TMEM123: variants seen among roughly 807,000 people sequenced by gnomAD.
The protein encoded by TMEM123 is transmembrane protein 123.
In TMEM123, 16 loss-of-function variants were observed where a neutral mutation model predicts 19.7. That is an observed-to-expected ratio of 0.81 (90% CI 0.55 to 1.23). TMEM123 has a LOEUF of 1.23. Among genes scored for constraint, TMEM123 ranks in the 50% most tolerant of loss-of-function variants. The pLI is 0.00. For synonymous variants in TMEM123, 118 were observed against 99.4 expected, an observed-to-expected ratio of 1.19 and a Z score of -1.12; for missense variants, 313 against 257.8, an observed-to-expected ratio of 1.21 and a Z score of -1.47.
chr11:102,399,874 G>A (rs1317970027), intron 4 of TMEM123, among the ~76,000 whole-genome samples: 1 of 152,020 alleles, frequency 6.6e-6, no homozygotes, highest in African/African-American at 2.4e-5. Context: ...GGAGGCTGAG[G>A]CAGGAGAATA....
chr11:102,452,482 T>C lies in TMEM123; in HGVS notation c.100+42A>G, dbSNP rs935341426. ...GGGAACCCAAGCCTCGGCAGCGCGCTGCCTCCCACGAACGGGGCTGACGAC... is the reference window on the plus strand; with the variant it reads ...GGGAACCCAAGCCTCGGCAGCGCGCCGCCTCCCACGAACGGGGCTGACGAC... On this transcript the variant is annotated intron_variant, in intron 1 of 4. Coordinates refer to ENST00000398136, the MANE Select transcript of TMEM123 (RefSeq NM_052932.3). 3.6e-6 allele frequency: 5 copies of C among 1,396,766 alleles called. No homozygotes were observed. In the African/African-American group the frequency reaches 6.0e-5, roughly 17 times the overall value. 86.5% of individuals were successfully genotyped at this position (1,396,766 alleles called of 1,614,324 possible).
intron 2 of TMEM123, among the ~76,000 whole-genome samples, chr11:102,405,322 G>C (rs1951946290): frequency 6.6e-6 from 1 of 152,102 alleles, no homozygotes; most frequent in African/African-American, 2.4e-5. Context: ...AAAGTGCTGG[G>C]ATTACAGGTG....
chr11:102,426,936 T>C lies in TMEM123; in HGVS notation c.157+21876A>G, dbSNP rs1952133406. On this transcript the variant is annotated intron_variant, in intron 2 of 4. Coordinates refer to ENST00000398136, the MANE Select transcript of TMEM123 (RefSeq NM_052932.3). The stretch of plus-strand genomic sequence containing the variant: ...ATAAAAAGTTTTGTGTCTGGGTATA[T>C]ATATCAGTTATTTGAAGTTCTATAG... 2.1e-5 allele frequency among the ~76,000 whole-genome samples: 3 copies of C among 141,258 alleles called. No individual in the cohort carries two copies. In the Admixed American group the frequency reaches 2.3e-4, roughly 11 times the overall value. 92.7% of individuals were successfully genotyped at this position (141,258 alleles called of 152,430 possible). A position where few individuals can be genotyped will look rare whatever the true frequency, so the allele number is the denominator to read the frequency against.
chr11:102,430,483 AG>A (rs1857685721), intron 2 of TMEM123, among the ~76,000 whole-genome samples: 1 of 152,224 alleles, frequency 6.6e-6, no homozygotes, highest in Admixed American at 6.5e-5. Flanking sequence ...ATAAGCCTAG[AG>A]GTCTAGGACT....
At position 102,448,873 on chromosome 11, in the gene TMEM123, A is replaced by G. The variant is rs576842168; in HGVS notation, c.101-5T>C. ...AATTCTCTATGTTTGCAGATGCTGT[A>G]AAAATAAAGAAATATCCTGTTATGA... On this transcript the variant is annotated splice_polypyrimidine_tract_variant and splice_region_variant and intron_variant, in intron 1 of 4. Transcript: ENST00000398136. The G allele has an allele frequency of 7.4e-4, 1,192 of 1,613,168 alleles. 17 individuals are homozygous for G. The South Asian group carries it at 0.012, about 17-fold the overall frequency.
intron 2 of TMEM123, among the ~76,000 whole-genome samples, chr11:102,428,914 T>G (rs1196273495): frequency 6.6e-6 from 1 of 152,212 alleles, no homozygotes; most frequent in Non-Finnish European, 1.5e-5. Flanking sequence ...GCCAGTAGAA[T>G]GAACATCTGT....
rs1021002379 is a variant in TMEM123, at chr11:102,452,760, C to T, written c.-137G>A. 1.6e-5 allele frequency: 10 copies of T among 617,344 alleles called. No homozygotes were observed. The highest frequency in any genetic ancestry group is 2.4e-5 in the Non-Finnish European group (10 of 414,712). 38.2% of individuals were successfully genotyped at this position (617,344 alleles called of 1,614,324 possible). Reference sequence around the variant, plus strand: ...CGTTTCCCCTCCCGCCGCTTGCCCCCCGAATGACCAAATAGGGCGCAGGAG... The same window carrying T: ...CGTTTCCCCTCCCGCCGCTTGCCCCTCGAATGACCAAATAGGGCGCAGGAG... On this transcript the variant is annotated 5_prime_UTR_variant, in exon 1 of 5. Coordinates refer to ENST00000398136, the MANE Select transcript of TMEM123 (RefSeq NM_052932.3).
At chr11:102,412,306 T>C (rs1245704023) in intron 2 of TMEM123, among the ~76,000 whole-genome samples, 2 of 152,138 alleles carry the variant, frequency 1.3e-5, no homozygotes, top group Non-Finnish European at 2.9e-5. Flanking sequence ...CGCATGCCTG[T>C]AATCCCAGCT....
chr11:102,399,201 C>T (rs1171995028), intron 4 of TMEM123, among the ~76,000 whole-genome samples: 1 of 152,118 alleles, frequency 6.6e-6, no homozygotes, highest in East Asian at 1.9e-4. Flanking sequence ...TCCCAGAACT[C>T]TAGGAGGTCA....
chr11:102,438,498 C>T (rs149798224), intron 2 of TMEM123, among the ~76,000 whole-genome samples: 97 of 152,320 alleles, frequency 6.4e-4, no homozygotes, highest in Admixed American at 9.8e-4. Flanking sequence ...AAAACAGTGA[C>T]TAACGGAGTG....
chr11:102,452,686 G>A lies in TMEM123; in HGVS notation c.-63C>T, dbSNP rs993949591. On this transcript the variant is annotated 5_prime_UTR_variant, in exon 1 of 5. Transcript: ENST00000398136. ...CAGCCGAGGTGGCGGCGGCGAGAGCGGCTCCTCTGCGCAGCCGGCGCCGGC... is the reference window on the plus strand; with the variant it reads ...CAGCCGAGGTGGCGGCGGCGAGAGCAGCTCCTCTGCGCAGCCGGCGCCGGC... 8 of 1,300,294 alleles carry A rather than the reference G, an allele frequency of 6.2e-6. No individual in the cohort carries two copies. The highest frequency in any genetic ancestry group is 2.3e-4 in the Middle Eastern group (1 of 4,358). The allele number at this position is 1,300,294 out of a possible 1,614,324, so 80.5% of individuals were successfully genotyped here.
chr11:102,406,689 G>C (rs748397653), intron 2 of TMEM123, among the ~76,000 whole-genome samples: 1 of 152,008 alleles, frequency 6.6e-6, no homozygotes, highest in Non-Finnish European at 1.5e-5. Flanking sequence ...GGCTAACACA[G>C]TGAAACCCCG....
chr11:102,418,726 C>G (rs1006386269), intron 2 of TMEM123, among the ~76,000 whole-genome samples: 9 of 152,150 alleles, frequency 5.9e-5, no homozygotes, highest in Non-Finnish European at 1.2e-4. Flanking sequence ...CAGCACTATT[C>G]ACAATAGCAA....
chr11:102,403,063 T>A (rs1056368616), intron 2 of TMEM123, among the ~76,000 whole-genome samples: 2 of 152,224 alleles, frequency 1.3e-5, no homozygotes, highest in African/African-American at 4.8e-5. Context: ...CAGGCTGAAG[T>A]GCAGTGTCAA....
At chr11:102,420,072 C>G (rs1227940466) in intron 2 of TMEM123, among the ~76,000 whole-genome samples, 1 of 152,102 alleles carries the variant, frequency 6.6e-6, no homozygotes, top group African/African-American at 2.4e-5. Context: ...AAAATATGCA[C>G]AAACATGAAT....
At position 102,452,729 on chromosome 11, in the gene TMEM123, C is replaced by CCCATTCTTTCACTTTTAACCTGTTTTT; in HGVS notation, c.-107_-106insAAAAACAGGTTAAAAGTGAAAGAATGG. On this transcript the variant is annotated 5_prime_UTR_variant, in exon 1 of 5. It adds an upstream start codon to the 5' untranslated region. Transcript: ENST00000398136. ...GCGCCGGCTCCGCTTCCCCTTCGGC[C>CCCATTCTTTCACTTTTAACCTGTTTTT]GCGCACGTTTCCCCTCCCGCCGCTT... 2 of 874,230 alleles carry CCCATTCTTTCACTTTTAACCTGTTTTT rather than the reference C, an allele frequency of 2.3e-6. No individual in the cohort carries two copies. The highest frequency in any genetic ancestry group is 3.1e-6 in the Non-Finnish European group (2 of 643,406). 54.2% of individuals were successfully genotyped at this position (874,230 alleles called of 1,614,324 possible).
At position 102,402,086 on chromosome 11, in the gene TMEM123, G is replaced by C. The variant is rs370462612; in HGVS notation, c.278C>G (p.Ala93Gly). The C allele has an allele frequency of 6.2e-7, 1 of 1,613,996 alleles. No individual in the cohort carries two copies. Among genetic ancestry groups the C allele is most frequent in the Admixed American group, 1.7e-5 (1 of 60,004 alleles). Residue 93 changes from alanine (A) to glycine (G), a missense_variant, in exon 3 of 5, where the codon GCG becomes GGG. Ala to Gly is a moderately conservative substitution (Grantham distance 60). Transcript: ENST00000398136. ...CCCTGGTGTTGTTGTATTAGATGCCGCTGTAGGTTTCATGGTGGTGACCGT... is the reference window on the plus strand; with the variant it reads ...CCCTGGTGTTGTTGTATTAGATGCCCCTGTAGGTTTCATGGTGGTGACCGT... ...NTTVTTMKPTAASNTTTPGMV... is the reference protein window; with the variant it reads ...NTTVTTMKPTGASNTTTPGMV...
intron 2 of TMEM123, among the ~76,000 whole-genome samples, chr11:102,436,298 G>C (rs1331539838): frequency 6.6e-6 from 1 of 151,872 alleles, no homozygotes; most frequent in African/African-American, 2.4e-5. Flanking sequence ...GAGTAGCTGG[G>C]ACTACAGGCG....
At chr11:102,411,313 G>C (rs576057804) in intron 2 of TMEM123, among the ~76,000 whole-genome samples, 1 of 152,166 alleles carries the variant, frequency 6.6e-6, no homozygotes, top group African/African-American at 2.4e-5. Flanking sequence ...TGTTCCCAGA[G>C]AGCGTATCGA....
Sources: gnomAD v4.1 joint callset for allele counts (sites outside exome capture counted in the v4.1 genomes callset) on GRCh38, gnomAD v4.1.1 for gene constraint, MANE v1.5 for transcripts, NCBI Gene and HGNC (gene_info 2026-07-23, HGNC 2026-07-21) for gene names.